The following ALK variants were observed in gnomAD, a reference collection of about 807,000 sequenced individuals.
The protein encoded by ALK is ALK receptor tyrosine kinase.
A neutral mutation model predicts 163.1 loss-of-function variants in ALK; 74 were observed. That is an observed-to-expected ratio of 0.45 (90% CI 0.38 to 0.55). The LOEUF is 0.55. Ranked by LOEUF, ALK falls within the 20% of genes least tolerant of loss-of-function variation. ALK has a pLI of 0.00. For synonymous variants in ALK, 960 were observed against 843.2 expected (o/e 1.14, Z -2.40); for missense variants, 2,063 against 2,105.3 (o/e 0.98, Z 0.39).
intron 1 of ALK, among the ~76,000 whole-genome samples, chr2:29,889,735 GA>G (rs1667094340): frequency 7.2e-6 from 1 of 138,622 alleles, no homozygotes; most frequent in Non-Finnish European, 1.6e-5. Context: ...GAGAGAGAGA[GA>G]GAGAGAGAGA....
intron 4 of ALK, among the ~76,000 whole-genome samples, chr2:29,459,034 C>T (rs1671024002): frequency 6.6e-6 from 1 of 152,126 alleles, no homozygotes; most frequent in Non-Finnish European, 1.5e-5. Context: ...CTGGGACTCA[C>T]CTAGAGGTCC....
intron 1 of ALK, among the ~76,000 whole-genome samples, chr2:29,869,597 C>A (rs186036462): frequency 1.5e-4 from 23 of 152,226 alleles, no homozygotes; most frequent in African/African-American, 5.3e-4. Flanking sequence ...CTTAAATCTA[C>A]TTGCTATAAA....
At chr2:29,264,230 T>A (rs1665157312) in intron 11 of ALK, among the ~76,000 whole-genome samples, 1 of 152,176 alleles carries the variant, frequency 6.6e-6, no homozygotes, top group Admixed American at 6.5e-5. Context: ...GAGCTTTGGG[T>A]GTTGCAAGGA....
chr2:29,216,279 G>A (rs568407178), intron 23 of ALK, among the ~76,000 whole-genome samples: 2 of 152,280 alleles, frequency 1.3e-5, no homozygotes, highest in Admixed American at 6.5e-5. Context: ...ATGGAAGAGC[G>A]AAATATCTTT....
rs1042311254 is a variant in ALK at position 29,806,242 on chromosome 2, G to A, written c.668-88545C>T. Among the ~76,000 whole-genome samples, 36 of 152,294 alleles carry A rather than the reference G, an allele frequency of 2.4e-4. 1 individual carries two copies. Among genetic ancestry groups the A allele is most frequent in the African/African-American group, 7.5e-4 (31 of 41,554 alleles). ...GCAAAGCCTAAATCACACGGTGTGC[G>A]TGTGTGCATTGGGTCTGTAATTGCT... On this transcript the variant is annotated intron_variant, in intron 1 of 28. Coordinates refer to ENST00000389048, the MANE Select transcript of ALK (RefSeq NM_004304.5).
intron 4 of ALK, among the ~76,000 whole-genome samples, chr2:29,481,166 G>C (rs890487590): frequency 1.2e-4 from 18 of 152,348 alleles, no homozygotes; most frequent in African/African-American, 4.1e-4. Context: ...AAGCCATGCA[G>C]CTGGTAATGG....
chr2:29,534,385 G>A (rs2148160788), intron 3 of ALK, among the ~76,000 whole-genome samples: 1 of 152,344 alleles, frequency 6.6e-6, no homozygotes, highest in Non-Finnish European at 1.5e-5. Flanking sequence ...CAGTACTAGG[G>A]TAGTGTGTAT....
chr2:29,824,470 C>G (rs1471440307), intron 1 of ALK, among the ~76,000 whole-genome samples: 1 of 152,238 alleles, frequency 6.6e-6, no homozygotes, highest in African/African-American at 2.4e-5. Flanking sequence ...CTAGTGAAGG[C>G]AGCTGGGAGG....
intron 1 of ALK, among the ~76,000 whole-genome samples, chr2:29,766,987 C>T (rs970436281): frequency 2.6e-5 from 4 of 152,174 alleles, no homozygotes; most frequent in African/African-American, 9.7e-5. Flanking sequence ...AAACAGCAAT[C>T]CAACCCAAAG....
At chr2:29,197,498 A>G (rs1223368794) in intron 27 of ALK, 44 bp downstream of exon 27, 2 of 1,608,346 alleles carry the variant, frequency 1.2e-6, no homozygotes, top group Non-Finnish European at 1.7e-6. Flanking sequence ...TTGAAAAGAA[A>G]AACTGCTTAG....
intron 1 of ALK, among the ~76,000 whole-genome samples, chr2:29,802,699 A>G (rs1368160941): frequency 6.6e-6 from 1 of 151,948 alleles, no homozygotes; most frequent in African/African-American, 2.4e-5. Context: ...CCCTTCTGCC[A>G]ATATGATTTT....
At chr2:29,416,723 A>G (rs1338143503) in intron 4 of ALK, among the ~76,000 whole-genome samples, 1 of 152,178 alleles carries the variant, frequency 6.6e-6, no homozygotes, top group Non-Finnish European at 1.5e-5. Flanking sequence ...AGGATGCAAC[A>G]TGAGGTACTA....
chr2:29,301,886 C>G (rs1666381739), intron 8 of ALK, among the ~76,000 whole-genome samples: 1 of 152,184 alleles, frequency 6.6e-6, no homozygotes, highest in African/African-American at 2.4e-5. Flanking sequence ...CTGAGGCAAT[C>G]CACCAGGATC....
At chr2:29,893,416 C>G (rs867812410) in intron 1 of ALK, among the ~76,000 whole-genome samples, 1 of 152,072 alleles carries the variant, frequency 6.6e-6, no homozygotes, top group African/African-American at 2.4e-5. Flanking sequence ...TTATTCTTTT[C>G]TTCTTATCAA....
chr2:29,304,397 G>A (rs1005892591), intron 8 of ALK, among the ~76,000 whole-genome samples: 1 of 151,496 alleles, frequency 6.6e-6, no homozygotes, highest in African/African-American at 2.4e-5. Context: ...TCAGGAGGCT[G>A]AGGCAGGAAA....
At chr2:29,911,252 T>A (rs1667695771) in intron 1 of ALK, among the ~76,000 whole-genome samples, 1 of 152,242 alleles carries the variant, frequency 6.6e-6, no homozygotes, top group African/African-American at 2.4e-5. Flanking sequence ...GAGGAAAATC[T>A]ACATTTACTT....
intron 1 of ALK, among the ~76,000 whole-genome samples, chr2:29,727,048 C>T (rs1289021113): frequency 6.6e-6 from 1 of 152,204 alleles, no homozygotes; most frequent in African/African-American, 2.4e-5. Context: ...ATGCTTGCTG[C>T]ATTCTCCTAA....
intron 4 of ALK, among the ~76,000 whole-genome samples, chr2:29,456,002 C>A (rs1350513715): frequency 6.6e-6 from 1 of 152,180 alleles, no homozygotes; most frequent in Non-Finnish European, 1.5e-5. Flanking sequence ...GGGAATACCA[C>A]TTTATATCCA....
In ALK at chr2:29,542,795, A is replaced by T. The variant is rs145619723; in HGVS notation, c.953-10679T>A. Among the ~76,000 whole-genome samples, 1,358 of 152,286 alleles carry T rather than the reference A, an allele frequency of 8.9e-3. 20 individuals carry two copies. Among genetic ancestry groups the T allele is most frequent in the African/African-American group, 0.026 (1,100 of 41,554 alleles). The stretch of plus-strand genomic sequence containing the variant: ...GTGGCATTTTGCAATGCATATAGCT[A>T]CAGATCTGTACAAAAATTTATCCGT... On this transcript the variant is annotated intron_variant, in intron 3 of 28. Coordinates refer to ENST00000389048, the MANE Select transcript of ALK (RefSeq NM_004304.5).
Sources: gnomAD v4.1 joint callset for allele counts (sites outside exome capture counted in the v4.1 genomes callset) on GRCh38, gnomAD v4.1.1 for gene constraint, MANE v1.5 for transcripts, NCBI Gene and HGNC (gene_info 2026-07-23, HGNC 2026-07-21) for gene names.